Variants in CDKL4 observed in about 807,000 individuals in gnomAD.
CDKL4 encodes cyclin dependent kinase like 4, also known as cyclin-dependent kinase-like 4.
Under a neutral mutation model 42.0 loss-of-function variants are expected in CDKL4, and 44 were observed. The observed-to-expected ratio is 1.05, with a 90% CI of 0.82 to 1.35. CDKL4 has a LOEUF of 1.35. Among genes scored for constraint, CDKL4 ranks in the 40% most tolerant of loss-of-function variants. The probability of loss-of-function intolerance (pLI) is 0.00; values close to 1 mark genes in which losing one functional copy is unlikely to be tolerated. For missense variants in CDKL4, 393 were observed against 369.9 expected (o/e 1.06, Z -0.51); for synonymous variants, 120 against 121.6 (o/e 0.99, Z 0.09).
At chr2:39,168,891 G>A in the CDKL4 span, among the ~76,000 whole-genome samples, 6 of 151,648 alleles carry the variant, frequency 4.0e-5, no homozygotes, top group Non-Finnish European at 7.4e-5. Flanking sequence ...TGAGTAGCTG[G>A]GACTACAGGC....
At chr2:39,172,287 G>A (rs1332023394), downstream of CDKL4, among the ~76,000 whole-genome samples, 1 of 151,536 alleles carries the variant, frequency 6.6e-6, no homozygotes, top group Non-Finnish European at 1.5e-5. Context: ...ATTCCAGCCT[G>A]GGCATGACAG....
chr2:39,246,269 C>T (rs1035361435), upstream of CDKL4, among the ~76,000 whole-genome samples: 1 of 152,186 alleles, frequency 6.6e-6, no homozygotes, highest in Non-Finnish European at 1.5e-5. Context: ...ACCTTTATCT[C>T]CTTCCTCTTT....
intron 3 of CDKL4, among the ~76,000 whole-genome samples, chr2:39,222,946 A>C (rs1678468677): frequency 6.6e-6 from 1 of 152,168 alleles, no homozygotes; most frequent in African/African-American, 2.4e-5. Flanking sequence ...TTAATATGCC[A>C]TTTTAATTGT....
intron 5 of CDKL4, among the ~76,000 whole-genome samples, chr2:39,194,138 A>C (rs892813013): frequency 2.0e-5 from 3 of 152,132 alleles, no homozygotes; most frequent in African/African-American, 7.2e-5. Flanking sequence ...ACTAAAAACA[A>C]TCTTGTGAGC....
At chr2:39,185,399 C>T (rs1393222630) in intron 7 of CDKL4, among the ~76,000 whole-genome samples, 23 of 15,436 alleles carry the variant, frequency 1.5e-3, no homozygotes, top group East Asian at 4.8e-3. Flanking sequence ...TGTATATATA[C>T]ATATGTGTAT....
chr2:39,246,364 T>C (rs1679913248), upstream of CDKL4, among the ~76,000 whole-genome samples: 1 of 152,226 alleles, frequency 6.6e-6, no homozygotes, highest in Non-Finnish European at 1.5e-5. Flanking sequence ...CCATCTATCA[T>C]GCTATAGAAA....
chr2:39,188,903 C>A lies in CDKL4; in HGVS notation c.653-1194G>T, dbSNP rs368588837. Among the ~76,000 whole-genome samples the A allele has an allele frequency of 9.9e-5, 15 of 152,204 alleles. No homozygotes were observed. In the East Asian group the frequency reaches 2.3e-3, roughly 24 times the overall value. Reference sequence around the variant, plus strand: ...TATGGGGTCTGCCTATGTTGCCCAGCCTGGAGTAGTTGCTATTTTAAATCC... The same window carrying A: ...TATGGGGTCTGCCTATGTTGCCCAGACTGGAGTAGTTGCTATTTTAAATCC... On this transcript the variant is annotated intron_variant, in intron 6 of 9. Coordinates refer to ENST00000451199, the Ensembl canonical transcript of CDKL4.
chr2:39,181,729 A>C (rs73930530), intron 8 of CDKL4, among the ~76,000 whole-genome samples: 1 of 152,186 alleles, frequency 6.6e-6, no homozygotes, highest in Non-Finnish European at 1.5e-5. Context: ...AGTGAATGCC[A>C]TGCTATGATG....
upstream of CDKL4, among the ~76,000 whole-genome samples, chr2:39,246,055 A>G (rs115500337): frequency 5.0e-3 from 759 of 152,310 alleles, 8 homozygotes; most frequent in African/African-American, 0.016. Flanking sequence ...TAGAAATGCT[A>G]TATGTTAATA....
downstream of CDKL4, among the ~76,000 whole-genome samples, chr2:39,171,378 C>A (rs1321378091): frequency 1.3e-5 from 2 of 152,106 alleles, no homozygotes; most frequent in Non-Finnish European, 2.9e-5. Flanking sequence ...CCCCCAAGAA[C>A]TTAGTTTTTA....
At chr2:39,238,443 A>G (rs192098412) in intron 1 of CDKL4, among the ~76,000 whole-genome samples, 25 of 152,284 alleles carry the variant, frequency 1.6e-4, no homozygotes, top group Non-Finnish European at 3.1e-4. Flanking sequence ...TAAAAAGCCA[A>G]AATGAACAAA....
At chr2:39,239,309 G>T (rs1679529589) in intron 1 of CDKL4, among the ~76,000 whole-genome samples, 1 of 150,672 alleles carries the variant, frequency 6.6e-6, no homozygotes, top group Admixed American at 6.6e-5. Flanking sequence ...AGATTTCTTA[G>T]ATATGACACC....
Position 39,185,215 on chromosome 2 carries a change from TAC to T in CDKL4, c.736-570_736-569del, listed in dbSNP as rs1425704111. ...ACATATATATACACATACGTATATA[TAC>T]ATATATACACATACGTATATATACA... On this transcript the variant is annotated intron_variant, in intron 7 of 9. Transcript: ENST00000451199. 3.6e-3 allele frequency among the ~76,000 whole-genome samples: 58 copies of T among 16,154 alleles called. 10 individuals are homozygous for T. The highest frequency in any genetic ancestry group is 9.6e-3 in the Non-Finnish European group (45 of 4,672). 10.6% of individuals were successfully genotyped at this position (16,154 alleles called of 152,430 possible). A position where few individuals can be genotyped will look rare whatever the true frequency, so the allele number is the denominator to read the frequency against.
intron 9 of CDKL4, chr2:39,178,625 A>G: frequency 6.4e-7 from 1 of 1,572,908 alleles, no homozygotes; most frequent in Non-Finnish European, 8.6e-7. Flanking sequence ...TGTTTGTCAT[A>G]ACAGTCACCA....
chr2:39,243,014 CGCTGAACCTGGGAGGTCAAGGTT>C (rs1177160489), intron 1 of CDKL4, among the ~76,000 whole-genome samples: 18 of 146,582 alleles, frequency 1.2e-4, no homozygotes, highest in African/African-American at 2.8e-4. Context: ...GCAAGAGGAT[CGCTGAACCTGGGAGGTCAAGGTT>C]GCTGAACCTG....
At chr2:39,208,540 G>A (rs1421104199) in intron 4 of CDKL4, among the ~76,000 whole-genome samples, 2 of 151,704 alleles carry the variant, frequency 1.3e-5, no homozygotes, top group Non-Finnish European at 2.9e-5. Context: ...ATGGGGTTTC[G>A]CCATGTTGGC....
Position 39,212,270 on chromosome 2 carries a change from G to T in CDKL4, c.363+1130C>A, listed in dbSNP as rs554996754. On this transcript the variant is annotated intron_variant, in intron 4 of 9. Coordinates refer to ENST00000451199, the Ensembl canonical transcript of CDKL4. ...TTTTTTTGAGACAGAGTCTCACACT[G>T]TCGCCCAGGCTGGAGTGCAGTGGCA... 1.1e-4 allele frequency among the ~76,000 whole-genome samples: 16 copies of T among 146,940 alleles called. No homozygotes were observed. The Admixed American group carries it at 1.1e-3, about 10-fold the overall frequency.
chr2:39,178,977 T>C lies in CDKL4; in HGVS notation c.927+210A>G, dbSNP rs145710547. On this transcript the variant is annotated intron_variant, in intron 9 of 9. Transcript: ENST00000451199. ...GCGTAACGATTTGATTCAGGTGTGT[T>C]TGGAATAAGATTTTTGCAATAATCT... 1,174 of 1,438,658 alleles carry C rather than the reference T, an allele frequency of 8.2e-4. 10 individuals carry two copies. The African/African-American group carries it at 0.016, about 20-fold the overall frequency. 89.1% of individuals were successfully genotyped at this position (1,438,658 alleles called of 1,614,324 possible). A position where few individuals can be genotyped will look rare whatever the true frequency, so the allele number is the denominator to read the frequency against.
At chr2:39,211,370 A>T (rs1677577342) in intron 4 of CDKL4, among the ~76,000 whole-genome samples, 1 of 152,208 alleles carries the variant, frequency 6.6e-6, no homozygotes, top group Admixed American at 6.5e-5. Flanking sequence ...CCTGGGCAGT[A>T]GAGCGAGACT....
Sources: gnomAD v4.1 joint callset for allele counts (sites outside exome capture counted in the v4.1 genomes callset) on GRCh38, gnomAD v4.1.1 for gene constraint, MANE v1.5 for transcripts, NCBI Gene and HGNC (gene_info 2026-07-23, HGNC 2026-07-21) for gene names.